KAZN: variants seen among roughly 807,000 people sequenced by gnomAD.
KAZN encodes the protein kazrin, periplakin interacting protein, also known as kazrin.
A neutral mutation model predicts 87.4 loss-of-function variants in KAZN; 40 were observed. The observed-to-expected ratio is 0.46, with a 90% CI of 0.36 to 0.60. The LOEUF (loss-of-function observed/expected upper bound fraction) is 0.60, where lower values mean the gene tolerates loss of function less well. Ranked by LOEUF, KAZN falls within the 20% of genes least tolerant of loss-of-function variation. The probability of loss-of-function intolerance (pLI) is 0.00; values close to 1 mark genes in which losing one functional copy is unlikely to be tolerated. For missense variants in KAZN, 898 were observed against 1,073.9 expected, an observed-to-expected ratio of 0.84 and a Z score of 2.29; for synonymous variants, 466 against 458.3, an observed-to-expected ratio of 1.02 and a Z score of -0.22.
intron 2 of KAZN, among the ~76,000 whole-genome samples, chr1:14,418,210 G>C (rs776633241): frequency 6.6e-6 from 1 of 151,762 alleles, no homozygotes; most frequent in Admixed American, 6.6e-5. Flanking sequence ...GAGATATTAG[G>C]AGCTCAAATT....
At chr1:14,224,276 G>T (rs776145130) in intron 2 of KAZN, among the ~76,000 whole-genome samples, 42 of 152,188 alleles carry the variant, frequency 2.8e-4, no homozygotes, top group Non-Finnish European at 5.4e-4. Flanking sequence ...GGAACCAGTG[G>T]GAAGAAGGAC....
intron 2 of KAZN, among the ~76,000 whole-genome samples, chr1:14,347,696 A>C (rs1317069133): frequency 6.6e-6 from 1 of 152,018 alleles, no homozygotes; most frequent in African/African-American, 2.4e-5. Flanking sequence ...TTATATATAC[A>C]TTATATGTTG....
In KAZN at chr1:14,927,287, T is replaced by C. The variant is rs1659276384; in HGVS notation, c.227-33397T>C. ...TTGTCCATTCATTCGGTCACATTTC[T>C]TGAGCATCTGCTCCGGGCCAGGCAC... On this transcript the variant is annotated intron_variant, in intron 1 of 14. Coordinates refer to ENST00000376030, the MANE Select transcript of KAZN (RefSeq NM_201628.3). 1.3e-5 allele frequency among the ~76,000 whole-genome samples: 2 copies of C among 152,170 alleles called. 1 individual carries two copies. The highest frequency in any genetic ancestry group is 4.1e-4 in the South Asian group (2 of 4,822).
chr1:14,019,113 C>T lies in KAZN; in HGVS notation c.91+125357C>T, dbSNP rs573818083. 5.9e-5 allele frequency among the ~76,000 whole-genome samples: 9 copies of T among 152,232 alleles called. No homozygotes were observed. In the East Asian group the frequency reaches 1.4e-3, roughly 23 times the overall value. ...TAATTAGTACTGACCAACAAAAGAC[C>T]AAGAGAAACTTAATTCTTCCTTGCA... On this transcript the variant is annotated intron_variant, in intron 1 of 16. Coordinates refer to the KAZN transcript ENST00000636203.
chr1:14,906,138 A>G (rs1002623088), intron 1 of KAZN, among the ~76,000 whole-genome samples: 7 of 150,994 alleles, frequency 4.6e-5, no homozygotes, highest in African/African-American at 7.3e-5. Context: ...CTGCACTCCA[A>G]CCTGGCCACA....
intron 10 of KAZN, among the ~76,000 whole-genome samples, chr1:15,095,612 G>A (rs1329512467): frequency 1.8e-5 from 1 of 56,388 alleles, no homozygotes. Context: ...CCCCCACCCC[G>A]CCCCACCCCG....
intron 1 of KAZN, among the ~76,000 whole-genome samples, chr1:14,807,652 C>T (rs1483157805): frequency 1.3e-5 from 2 of 151,922 alleles, no homozygotes; most frequent in Admixed American, 6.5e-5. Context: ...ACCTGTGGTC[C>T]CAGCTACTCA....
chr1:14,336,828 T>C (rs896480007), intron 2 of KAZN, among the ~76,000 whole-genome samples: 2 of 152,224 alleles, frequency 1.3e-5, no homozygotes, highest in Non-Finnish European at 2.9e-5. Context: ...TATTTTTTTA[T>C]ATAATCTGGT....
chr1:14,285,370 C>G (rs1653161200), intron 2 of KAZN, among the ~76,000 whole-genome samples: 1 of 152,184 alleles, frequency 6.6e-6, no homozygotes, highest in Non-Finnish European at 1.5e-5. Flanking sequence ...CTTTGGCAGT[C>G]TATTGGTTCC....
intron 1 of KAZN, chr1:14,930,080 T>C: frequency 1.0e-6 from 1 of 985,480 alleles, no homozygotes; most frequent in Non-Finnish European, 1.2e-6. Context: ...AGCCCTGAAC[T>C]GGCTGACACT....
chr1:14,199,210 C>T (rs1011360885), intron 2 of KAZN, among the ~76,000 whole-genome samples: 3 of 152,186 alleles, frequency 2.0e-5, no homozygotes, highest in Non-Finnish European at 4.4e-5. Context: ...TTCTAAGCCC[C>T]TATGCTAATA....
chr1:14,416,113 T>C (rs1448949366), intron 2 of KAZN, among the ~76,000 whole-genome samples: 2 of 152,150 alleles, frequency 1.3e-5, no homozygotes, highest in Admixed American at 6.5e-5. Flanking sequence ...CGAGGAGCAA[T>C]GGGCAGCTGC....
rs61772175 is a variant in KAZN, at chr1:14,996,869, C to T, written c.418+35994C>T. 0.17 allele frequency among the ~76,000 whole-genome samples: 25,502 copies of T among 152,182 alleles called. 2,823 individuals carry two copies. Among genetic ancestry groups the T allele is most frequent in the Admixed American group, 0.23 (3,538 of 15,286 alleles). On this transcript the variant is annotated intron_variant, in intron 2 of 14. Coordinates refer to ENST00000376030, the MANE Select transcript of KAZN (RefSeq NM_201628.3). The surrounding 1 kb of genome is among the most constrained non-coding windows in gnomAD (Gnocchi z 5.9). Reference sequence around the variant, plus strand: ...GGGCCGTTTGCCTGCGGCCCCATGACCTCGCACCCACCTCCCTGCCTGACC... The same window carrying T: ...GGGCCGTTTGCCTGCGGCCCCATGATCTCGCACCCACCTCCCTGCCTGACC...
At chr1:14,049,327 GA>G (rs1395451339) in intron 1 of KAZN, among the ~76,000 whole-genome samples, 1 of 151,848 alleles carries the variant, frequency 6.6e-6, no homozygotes, top group East Asian at 1.9e-4. Context: ...GGGGTGGGGG[GA>G]GCGGGGAGGG....
intron 1 of KAZN, among the ~76,000 whole-genome samples, chr1:14,171,538 T>C (rs1418639602): frequency 6.6e-6 from 1 of 152,228 alleles, no homozygotes; most frequent in African/African-American, 2.4e-5. Context: ...AATGAGACCA[T>C]ATTAAAGCAA....
chr1:15,047,540 G>T lies in KAZN; in HGVS notation c.726+3381G>T, dbSNP rs113930396. Among the ~76,000 whole-genome samples the T allele has an allele frequency of 7.1e-4, 108 of 152,340 alleles. 2 individuals carry two copies. The highest frequency in any genetic ancestry group is 2.3e-3 in the African/African-American group (96 of 41,590). ...AATCTTTTGGCTTTGGGAGGCCAAA[G>T]CGGGCAGATGACTTGAGGTCAGGAG... On this transcript the variant is annotated intron_variant, in intron 4 of 14. Coordinates refer to ENST00000376030, the MANE Select transcript of KAZN (RefSeq NM_201628.3).
At chr1:14,958,520 A>G (rs956324082) in intron 1 of KAZN, among the ~76,000 whole-genome samples, 1 of 152,132 alleles carries the variant, frequency 6.6e-6, no homozygotes, top group Non-Finnish European at 1.5e-5. Flanking sequence ...GGGCACTTCC[A>G]ATGCCTCCGA....
chr1:15,011,607 T>A (rs1339823696), intron 2 of KAZN, among the ~76,000 whole-genome samples: 2 of 152,190 alleles, frequency 1.3e-5, no homozygotes, highest in Non-Finnish European at 2.9e-5. Context: ...TGCTAAAGAC[T>A]TGAAGTGTTT....
intron 1 of KAZN, among the ~76,000 whole-genome samples, chr1:14,761,121 C>A (rs1391075014): frequency 6.6e-6 from 1 of 152,152 alleles, no homozygotes; most frequent in Non-Finnish European, 1.5e-5. Context: ...CACTCCTCTC[C>A]CCAGTCATTT....
Sources: gnomAD v4.1 joint callset for allele counts (sites outside exome capture counted in the v4.1 genomes callset) on GRCh38, gnomAD v4.1.1 for gene constraint, Gnocchi (gnomAD v3.1) non-coding constraint, MANE v1.5 for transcripts, NCBI Gene and HGNC (gene_info 2026-07-23, HGNC 2026-07-21) for gene names.